CDC42SE2: variants seen among roughly 807,000 people sequenced by gnomAD.
CDC42SE2 encodes the protein CDC42 small effector 2.
Under a neutral mutation model 11.5 loss-of-function variants are expected in CDC42SE2, and 3 were observed. The ratio of observed to expected loss-of-function variants is 0.26; its 90% confidence interval spans 0.12 to 0.67. The LOEUF (loss-of-function observed/expected upper bound fraction) is 0.67. Among genes scored for constraint, CDC42SE2 ranks in the 30% least tolerant of loss-of-function variants. CDC42SE2 has a pLI of 0.80. For synonymous variants in CDC42SE2, 33 were observed against 34.8 expected, an observed-to-expected ratio of 0.95 and a Z score of 0.18; for missense variants, 82 against 106.8, an observed-to-expected ratio of 0.77 and a Z score of 1.02.
chr5:131,317,324 A>G (rs1758061704), intron 2 of CDC42SE2, among the ~76,000 whole-genome samples: 1 of 152,230 alleles, frequency 6.6e-6, no homozygotes, highest in African/African-American at 2.4e-5. Flanking sequence ...AATCTAATAA[A>G]TGGAATTTCA....
intron 1 of CDC42SE2, among the ~76,000 whole-genome samples, chr5:131,310,768 C>T (rs1238520160): frequency 6.6e-6 from 1 of 151,838 alleles, no homozygotes; most frequent in Non-Finnish European, 1.5e-5. Context: ...ATTGCAACCC[C>T]TGCCTTTTTT....
At chr5:131,363,703 T>C (rs1580780319) in intron 3 of CDC42SE2, among the ~76,000 whole-genome samples, 1 of 147,526 alleles carries the variant, frequency 6.8e-6, no homozygotes, top group Non-Finnish European at 1.5e-5. Context: ...CTCTTTTTTT[T>C]TTTTTTTTTT....
intron 2 of CDC42SE2, among the ~76,000 whole-genome samples, chr5:131,329,963 C>T (rs1036636126): frequency 7.1e-6 from 1 of 141,134 alleles, no homozygotes; most frequent in African/African-American, 2.5e-5. Flanking sequence ...TAACAAACTA[C>T]CTCAAAATTC....
the CDC42SE2 span, among the ~76,000 whole-genome samples, chr5:131,228,726 G>A: frequency 4.6e-5 from 7 of 152,168 alleles, no homozygotes; most frequent in Admixed American, 1.3e-4. Context: ...GTAAGGGGCC[G>A]CTGAGGAAGT....
chr5:131,219,222 G>C, the CDC42SE2 span, among the ~76,000 whole-genome samples: 1 of 152,150 alleles, frequency 6.6e-6, no homozygotes, highest in Non-Finnish European at 1.5e-5. Flanking sequence ...GTTATACCTT[G>C]TGATCTTGAC....
the CDC42SE2 span, among the ~76,000 whole-genome samples, chr5:131,225,836 C>CA: frequency 2.5e-4 from 38 of 149,546 alleles, no homozygotes; most frequent in African/African-American, 8.6e-4. Context: ...CTAAACACAC[C>CA]AAAAAAAAAG....
chr5:131,370,820 A>T (rs546056242), intron 3 of CDC42SE2, among the ~76,000 whole-genome samples: 1 of 152,176 alleles, frequency 6.6e-6, no homozygotes, highest in East Asian at 1.9e-4. Flanking sequence ...TTTTTTTTAA[A>T]CTGACTTTTG....
chr5:131,353,909 C>T (rs572833401), intron 2 of CDC42SE2, among the ~76,000 whole-genome samples: 1 of 148,376 alleles, frequency 6.7e-6, no homozygotes, highest in Non-Finnish European at 1.5e-5. Flanking sequence ...AAAACTCTGT[C>T]TAAAAAAAAA....
At chr5:131,296,105 A>C (rs376886964) in intron 1 of CDC42SE2, among the ~76,000 whole-genome samples, 42 of 152,184 alleles carry the variant, frequency 2.8e-4, no homozygotes, top group African/African-American at 9.7e-4. Context: ...ACTTTTATTA[A>C]ACTTGGTGGC....
At chr5:131,356,480 A>T (rs1335536672) in intron 2 of CDC42SE2, among the ~76,000 whole-genome samples, 1 of 152,242 alleles carries the variant, frequency 6.6e-6, no homozygotes, top group African/African-American at 2.4e-5. Context: ...AGATGTATTG[A>T]TATCACATTC....
upstream of CDC42SE2, among the ~76,000 whole-genome samples, chr5:131,262,038 C>T (rs982622255): frequency 6.6e-6 from 1 of 151,442 alleles, no homozygotes; most frequent in Non-Finnish European, 1.5e-5. Flanking sequence ...TAAATGTTTA[C>T]ATAATGAATA....
the CDC42SE2 span, among the ~76,000 whole-genome samples, chr5:131,228,853 GC>G: frequency 1.3e-5 from 2 of 152,296 alleles, no homozygotes; most frequent in East Asian, 3.9e-4. Context: ...CAGCAAGAAG[GC>G]AGCTGTCTGC....
chr5:131,279,693 C>G (rs1427244845), intron 1 of CDC42SE2, among the ~76,000 whole-genome samples: 7 of 152,028 alleles, frequency 4.6e-5, no homozygotes, highest in African/African-American at 7.3e-5. Context: ...CCACACTCTC[C>G]CTCTACCTTC....
At chr5:131,306,353 T>C (rs1188294027) in intron 1 of CDC42SE2, among the ~76,000 whole-genome samples, 1 of 152,190 alleles carries the variant, frequency 6.6e-6, no homozygotes, top group Non-Finnish European at 1.5e-5. Flanking sequence ...TTGAAGAGAC[T>C]GTCCTTTCTC....
At chr5:131,382,738 A>C (rs1421044151) in intron 3 of CDC42SE2, among the ~76,000 whole-genome samples, 1 of 152,200 alleles carries the variant, frequency 6.6e-6, no homozygotes, top group Non-Finnish European at 1.5e-5. Flanking sequence ...GAACTGTGAC[A>C]AGAACCTAGA....
chr5:131,277,055 A>T (rs979412397), intron 1 of CDC42SE2, among the ~76,000 whole-genome samples: 1 of 152,152 alleles, frequency 6.6e-6, no homozygotes, highest in African/African-American at 2.4e-5. Flanking sequence ...TATAATTTTT[A>T]AAAAGCCTGT....
intron 1 of CDC42SE2, among the ~76,000 whole-genome samples, chr5:131,251,338 CT>C (rs149909348): frequency 0.034 from 5,233 of 152,178 alleles, 296 homozygotes; most frequent in African/African-American, 0.12. Flanking sequence ...GGAGATAATT[CT>C]TTTTACTAAA....
upstream of CDC42SE2, among the ~76,000 whole-genome samples, chr5:131,243,646 G>C (rs1756557663): frequency 6.6e-6 from 1 of 152,226 alleles, no homozygotes; most frequent in East Asian, 1.9e-4. Flanking sequence ...TTTTGCACAG[G>C]GCCCTACAAA....
At chr5:131,329,343 T>A (rs1758363144) in intron 2 of CDC42SE2, among the ~76,000 whole-genome samples, 1 of 152,170 alleles carries the variant, frequency 6.6e-6, no homozygotes, top group Admixed American at 6.5e-5. Flanking sequence ...TTCCCTTTTG[T>A]TGTTGCTGCC....
Sources: allele counts gnomAD v4.1 joint callset (sites outside exome capture counted in the v4.1 genomes callset), GRCh38; gene constraint gnomAD v4.1.1; transcripts MANE v1.5; gene names NCBI Gene and HGNC (gene_info 2026-07-23, HGNC 2026-07-21).